The following INPP5A variants were observed in gnomAD, a reference collection of about 807,000 sequenced individuals.
INPP5A encodes inositol polyphosphate-5-phosphatase A.
INPP5A carries 14 observed loss-of-function variants against 65.2 expected under a neutral mutation model. The ratio of observed to expected loss-of-function variants is 0.21; its 90% CI spans 0.14 to 0.34. The LOEUF is 0.34. Among genes scored for constraint, INPP5A ranks in the 10% least tolerant of loss-of-function variants. The pLI is 1.00. For missense variants in INPP5A, 431 were observed against 545.6 expected, an observed-to-expected ratio of 0.79 and a Z score of 2.09; for synonymous variants, 207 against 208.3, an observed-to-expected ratio of 0.99 and a Z score of 0.05.
chr10:132,643,041 A>C (rs1175688908), intron 2 of INPP5A, among the ~76,000 whole-genome samples: 1 of 152,206 alleles, frequency 6.6e-6, no homozygotes, highest in East Asian at 1.9e-4. Context: ...CATTTTCCTC[A>C]GTTGTTTATT....
At chr10:132,563,904 A>G (rs1473737256) in intron 1 of INPP5A, among the ~76,000 whole-genome samples, 2 of 151,878 alleles carry the variant, frequency 1.3e-5, no homozygotes, top group African/African-American at 4.8e-5. Context: ...TGTCCACTCT[A>G]CTCTGAGCCC....
chr10:132,670,833 G>GTCTT (rs1184923110), intron 4 of INPP5A, among the ~76,000 whole-genome samples: 2 of 142,488 alleles, frequency 1.4e-5, no homozygotes, highest in Non-Finnish European at 3.0e-5. Context: ...TCTTGGCAGT[G>GTCTT]TCTTTCTTTC....
intron 8 of INPP5A, among the ~76,000 whole-genome samples, chr10:132,725,668 G>A (rs571382377): frequency 1.3e-5 from 2 of 152,344 alleles, no homozygotes; most frequent in African/African-American, 4.8e-5. Flanking sequence ...TGACCTGCCC[G>A]GGCTGGCACT....
intron 1 of INPP5A, among the ~76,000 whole-genome samples, chr10:132,590,837 T>C (rs1443934905): frequency 6.6e-6 from 1 of 152,124 alleles, no homozygotes; most frequent in African/African-American, 2.4e-5. Flanking sequence ...TGTGGGTCAC[T>C]GTGGTCATTG....
intron 1 of INPP5A, among the ~76,000 whole-genome samples, chr10:132,596,169 C>T (rs537943922): frequency 1.4e-4 from 22 of 152,246 alleles, no homozygotes; most frequent in African/African-American, 5.3e-4. Context: ...CAGAGCTGCT[C>T]CTGGGAAAGG....
At chr10:132,715,783 C>T (rs1845728852) in intron 8 of INPP5A, among the ~76,000 whole-genome samples, 1 of 152,218 alleles carries the variant, frequency 6.6e-6, no homozygotes, top group Non-Finnish European at 1.5e-5. Context: ...CCTCGGAGAA[C>T]AGCTCACAGG....
intron 1 of INPP5A, among the ~76,000 whole-genome samples, chr10:132,582,415 CTTTTTTTTTTTT>C (rs34719567): frequency 1.5e-5 from 2 of 132,838 alleles, no homozygotes; most frequent in Non-Finnish European, 3.2e-5. Context: ...TTGTTGATAA[CTTTTTTTTTTTT>C]TTTTTTTTAA....
intron 4 of INPP5A, among the ~76,000 whole-genome samples, chr10:132,689,332 G>A (rs1366701319): frequency 6.6e-6 from 1 of 152,124 alleles, no homozygotes; most frequent in Admixed American, 6.5e-5. Context: ...CTGCAGCTGC[G>A]CCCGTGTGCC....
chr10:132,738,751 T>C (rs1204200399), intron 9 of INPP5A, among the ~76,000 whole-genome samples: 1 of 152,234 alleles, frequency 6.6e-6, no homozygotes, highest in Non-Finnish European at 1.5e-5. Context: ...GTTGTTGTTC[T>C]GGGTGGCCGT....
In INPP5A at chr10:132,608,101, G is replaced by T. The variant is rs2071883549; in HGVS notation, c.117+145G>T. 5.5e-6 allele frequency: 4 copies of T among 730,706 alleles called. No homozygotes were observed. In the South Asian group the frequency reaches 6.2e-5, roughly 11 times the overall value. 45.3% of individuals were successfully genotyped at this position (730,706 alleles called of 1,614,324 possible). ...GCTGGGTCTCTCGGCTCCGCTGCCT[G>T]TGCTGGGCAACATGTTTCTGTGTCA... On this transcript the variant is annotated intron_variant, in intron 2 of 15. Coordinates refer to ENST00000368594, the MANE Select transcript of INPP5A (RefSeq NM_005539.5).
Position 132,782,407 on chromosome 10 carries a change from A to AC in INPP5A, c.*383dup, listed in dbSNP as rs1847181082. The AC allele has an allele frequency of 3.7e-6, 1 of 271,828 alleles. No homozygotes were observed. Among genetic ancestry groups the AC allele is most frequent in the Non-Finnish European group, 7.2e-6 (1 of 139,254 alleles). 16.8% of individuals were successfully genotyped at this position (271,828 alleles called of 1,614,324 possible). On this transcript the variant is annotated 3_prime_UTR_variant, in exon 16 of 16. Transcript: ENST00000368594. This position sits in a 1 kb window ranked among gnomAD's most constrained non-coding sequence, Gnocchi z 4.4. ...CAGAGACCCCCCACTGTGTCCAGGG[A>AC]CCCCCTCTGCCAGGTGGAGGTGTGT...
intron 12 of INPP5A, among the ~76,000 whole-genome samples, chr10:132,769,510 G>C (rs551201733): frequency 2.0e-5 from 3 of 152,334 alleles, no homozygotes; most frequent in African/African-American, 7.2e-5. Flanking sequence ...CATGCCATGT[G>C]CTATTTCCAT....
intron 9 of INPP5A, among the ~76,000 whole-genome samples, chr10:132,740,322 T>G (rs1846251292): frequency 6.6e-6 from 1 of 152,192 alleles, no homozygotes; most frequent in East Asian, 1.9e-4. Flanking sequence ...CCCTCGATTC[T>G]GAGCAGTGGT....
At chr10:132,672,288 T>C (rs1243566403) in intron 4 of INPP5A, among the ~76,000 whole-genome samples, 2 of 152,192 alleles carry the variant, frequency 1.3e-5, no homozygotes, top group Non-Finnish European at 2.9e-5. Flanking sequence ...GGGTTGGCGA[T>C]TGGTTTTGAA....
At chr10:132,569,448 C>T (rs1205986341) in intron 1 of INPP5A, among the ~76,000 whole-genome samples, 1 of 152,102 alleles carries the variant, frequency 6.6e-6, no homozygotes, top group Non-Finnish European at 1.5e-5. Context: ...CACCTCCCTC[C>T]CAGGCTCAAG....
chr10:132,632,864 C>A (rs983810730), intron 2 of INPP5A, among the ~76,000 whole-genome samples: 1 of 152,208 alleles, frequency 6.6e-6, no homozygotes, highest in Non-Finnish European at 1.5e-5. Context: ...AATGATGGTG[C>A]CTTGCCGAGC....
rs569886041 is a variant in INPP5A at position 132,597,130 on chromosome 10, T to C, written c.76-10785T>C. On this transcript the variant is annotated intron_variant, in intron 1 of 15. Transcript: ENST00000368594. ...ATGTGTGTGCATGGGTATGTGCACG[T>C]GTGCATGTGTGCATGCATGTGTGTG... Among the ~76,000 whole-genome samples, 21 of 152,342 alleles carry C rather than the reference T, an allele frequency of 1.4e-4. 1 individual carries two copies. In the East Asian group the frequency reaches 4.0e-3, roughly 29 times the overall value.
At chr10:132,641,548 T>G (rs966264643) in intron 2 of INPP5A, among the ~76,000 whole-genome samples, 1 of 152,228 alleles carries the variant, frequency 6.6e-6, no homozygotes, top group Admixed American at 6.5e-5. Flanking sequence ...GAGGGCGATT[T>G]TCTGAGCCCA....
intron 11 of INPP5A, among the ~76,000 whole-genome samples, chr10:132,750,149 A>G (rs974608651): frequency 6.6e-6 from 1 of 152,192 alleles, no homozygotes; most frequent in African/African-American, 2.4e-5. Flanking sequence ...GTGGGGAGGA[A>G]AGCCCCTTGT....
Sources: gnomAD v4.1 joint callset for allele counts (sites outside exome capture counted in the v4.1 genomes callset) on GRCh38, gnomAD v4.1.1 for gene constraint, Gnocchi (gnomAD v3.1) non-coding constraint, MANE v1.5 for transcripts, NCBI Gene and HGNC (gene_info 2026-07-23, HGNC 2026-07-21) for gene names.